Variants in SLC39A11 observed in about 807,000 individuals in gnomAD.
SLC39A11 encodes the protein zinc transporter ZIP11.
Under a neutral mutation model 36.1 loss-of-function variants are expected in SLC39A11, and 33 were observed. That is an observed-to-expected ratio of 0.91 (90% confidence interval 0.69 to 1.22). The LOEUF (loss-of-function observed/expected upper bound fraction) is 1.22, where lower values mean the gene tolerates loss of function less well. Among genes scored for constraint, SLC39A11 ranks in the 50% most tolerant of loss-of-function variants. The pLI is 0.00. For missense variants in SLC39A11, 432 were observed against 430.3 expected (o/e 1.00, Z -0.03); for synonymous variants, 166 against 170.3 (o/e 0.97, Z 0.20).
chr17:72,837,311 G>GTTTTTT (rs2078598722), intron 6 of SLC39A11, among the ~76,000 whole-genome samples: 1 of 122,372 alleles, frequency 8.2e-6, no homozygotes, highest in Non-Finnish European at 1.6e-5. Flanking sequence ...TGACTTGGAG[G>GTTTTTT]AAAATTCACT....
chr17:72,674,092 A>T (rs1345426389), intron 7 of SLC39A11, among the ~76,000 whole-genome samples: 1 of 152,062 alleles, frequency 6.6e-6, no homozygotes, highest in Non-Finnish European at 1.5e-5. Flanking sequence ...AAATAAAGGT[A>T]GACTTGTATA....
At chr17:72,699,140 C>A (rs2072483017) in intron 7 of SLC39A11, among the ~76,000 whole-genome samples, 1 of 152,110 alleles carries the variant, frequency 6.6e-6, no homozygotes, top group South Asian at 2.1e-4. Flanking sequence ...GAGGTTGGTT[C>A]TTTGGGAGGG....
rs1567912757 is a variant in SLC39A11 at position 72,900,184 on chromosome 17, A to AAG, written c.430+47567_430+47568insCT. Among the ~76,000 whole-genome samples, 2 of 144,030 alleles carry AAG rather than the reference A, an allele frequency of 1.4e-5. 1 individual carries two copies. The highest frequency in any genetic ancestry group is 5.7e-5 in the African/African-American group (2 of 35,162). 94.5% of individuals were successfully genotyped at this position (144,030 alleles called of 152,430 possible). A position where few individuals can be genotyped will look rare whatever the true frequency, so the allele number is the denominator to read the frequency against. On this transcript the variant is annotated intron_variant, in intron 5 of 9. Transcript: ENST00000255559. ...AAGAAAGAAAGAAAGAAAGAAAGAA[A>AAG]GAAAGAAAGAAAGAAAGAAAGAAAG...
intron 4 of SLC39A11, among the ~76,000 whole-genome samples, chr17:72,979,039 A>G (rs12938643): frequency 0.034 from 5,120 of 152,098 alleles, 98 homozygotes; most frequent in Non-Finnish European, 0.044. Flanking sequence ...TGAATTGTAA[A>G]CCCCATAATC....
chr17:72,908,009 T>C (rs1026783028), intron 5 of SLC39A11, among the ~76,000 whole-genome samples: 2 of 152,212 alleles, frequency 1.3e-5, no homozygotes, highest in Non-Finnish European at 2.9e-5. Context: ...GCTTGGCTCT[T>C]GTCTTCTCAT....
rs1452951688 is a variant in SLC39A11, at chr17:72,783,145, A to AGAT, written c.602-46429_602-46427dup. 1.3e-4 allele frequency among the ~76,000 whole-genome samples: 16 copies of AGAT among 121,092 alleles called. No individual in the cohort carries two copies. The East Asian group carries it at 2.1e-3, about 16-fold the overall frequency. The allele number at this position is 121,092 out of a possible 152,430, so 79.4% of individuals were successfully genotyped here. A position where few individuals can be genotyped will look rare whatever the true frequency, so the allele number is the denominator to read the frequency against. The stretch of plus-strand genomic sequence containing the variant: ...AAGCAGATGATTCTCACCAGAAAGC[A>AGAT]GATTCTCACCAGAAAGCAGATGATT... On this transcript the variant is annotated intron_variant, in intron 6 of 9. Coordinates refer to ENST00000255559, the MANE Select transcript of SLC39A11 (RefSeq NM_139177.4).
intron 7 of SLC39A11, among the ~76,000 whole-genome samples, chr17:72,693,932 G>A (rs1219693144): frequency 1.3e-5 from 2 of 152,120 alleles, no homozygotes; most frequent in Non-Finnish European, 2.9e-5. Flanking sequence ...AAAGTGCCGG[G>A]ACCACAGGGG....
At chr17:72,809,229 T>TCTCTCTCTCTCTC (rs1568127723) in intron 6 of SLC39A11, among the ~76,000 whole-genome samples, 1 of 131,394 alleles carries the variant, frequency 7.6e-6, no homozygotes, top group African/African-American at 3.3e-5. Context: ...CTCTCTCTCT[T>TCTCTCTCTCTCTC]TCTTTCTGCC....
At chr17:73,037,214 T>C (rs1370873188) in intron 3 of SLC39A11, among the ~76,000 whole-genome samples, 3 of 152,242 alleles carry the variant, frequency 2.0e-5, no homozygotes, top group Non-Finnish European at 4.4e-5. Flanking sequence ...TGGTGTGGAC[T>C]GGAAGTTTTC....
intron 5 of SLC39A11, among the ~76,000 whole-genome samples, chr17:72,899,300 A>T (rs2082195019): frequency 6.7e-6 from 1 of 148,296 alleles, no homozygotes; most frequent in South Asian, 2.1e-4. Flanking sequence ...GTAAGAAAAA[A>T]GGCCCTAAGG....
chr17:73,031,646 G>GC lies in SLC39A11; in HGVS notation c.215dup (p.Phe73LeufsTer24). On this transcript the variant is annotated frameshift_variant, in exon 4 of 10. Coordinates refer to ENST00000255559, the MANE Select transcript of SLC39A11 (RefSeq NM_139177.4). LOFTEE classifies it high-confidence loss of function. The stretch of plus-strand genomic sequence containing the variant: ...CAGGGAAGAAGGCAAAGGCACCGAA[G>GC]CCCCCAGAGGACGTGGCCATCTCAA... 1 of 1,614,150 alleles carries GC rather than the reference G, an allele frequency of 6.2e-7. No individual in the cohort carries two copies. The highest frequency in any genetic ancestry group is 8.5e-7 in the Non-Finnish European group (1 of 1,180,036).
At chr17:72,806,152 G>A (rs773513429) in intron 6 of SLC39A11, among the ~76,000 whole-genome samples, 1 of 152,172 alleles carries the variant, frequency 6.6e-6, no homozygotes, top group Non-Finnish European at 1.5e-5. Flanking sequence ...AGTGAAGGCA[G>A]AAGGGTGTTT....
At chr17:72,828,209 A>T (rs150120834) in intron 6 of SLC39A11, among the ~76,000 whole-genome samples, 136 of 152,378 alleles carry the variant, frequency 8.9e-4, no homozygotes, top group African/African-American at 3.1e-3. Context: ...TGCAGAAGGC[A>T]CTAAGGTGGC....
intron 7 of SLC39A11, among the ~76,000 whole-genome samples, chr17:72,671,976 C>T (rs1301213716): frequency 6.6e-6 from 1 of 152,142 alleles, no homozygotes; most frequent in Non-Finnish European, 1.5e-5. Context: ...GTAGACAATA[C>T]TGTATTGTAA....
At chr17:72,830,146 C>T (rs893331004) in intron 6 of SLC39A11, among the ~76,000 whole-genome samples, 3 of 152,212 alleles carry the variant, frequency 2.0e-5, no homozygotes, top group Non-Finnish European at 4.4e-5. Flanking sequence ...AGGCTTCCAG[C>T]ATCAGGAGCT....
At chr17:72,707,360 T>C (rs1469177732) in intron 7 of SLC39A11, among the ~76,000 whole-genome samples, 2 of 152,180 alleles carry the variant, frequency 1.3e-5, no homozygotes, top group African/African-American at 2.4e-5. Flanking sequence ...GCTATGAGCA[T>C]GCCACTGTAC....
chr17:72,958,431 G>A (rs2086383629), intron 4 of SLC39A11, among the ~76,000 whole-genome samples: 1 of 152,348 alleles, frequency 6.6e-6, no homozygotes, highest in African/African-American at 2.4e-5. Flanking sequence ...CAAAGTGGGA[G>A]AAAATCTTCA....
chr17:73,075,155 T>C (rs747455213), intron 3 of SLC39A11, among the ~76,000 whole-genome samples: 1 of 152,230 alleles, frequency 6.6e-6, no homozygotes, highest in Non-Finnish European at 1.5e-5. Flanking sequence ...CACTGAATCA[T>C]ATCCCTAAGC....
chr17:72,784,182 T>C (rs8069649), intron 6 of SLC39A11, among the ~76,000 whole-genome samples: 22,825 of 152,020 alleles, frequency 0.15, 2,011 homozygotes, highest in African/African-American at 0.24. Context: ...CTGTCTCTAC[T>C]AAAAATACAA....
Sources: gnomAD v4.1 joint callset for allele counts (sites outside exome capture counted in the v4.1 genomes callset) on GRCh38, gnomAD v4.1.1 for gene constraint, MANE v1.5 for transcripts, NCBI Gene and HGNC (gene_info 2026-07-23, HGNC 2026-07-21) for gene names.